The following RMST variants were observed in gnomAD, a reference collection of about 807,000 sequenced individuals.
RMST encodes rhabdomyosarcoma 2 associated transcript.
At chr12:97,515,838 A>G (rs1192704432) in intron 10 of RMST, among the ~76,000 whole-genome samples, 1 of 152,110 alleles carries the variant, frequency 6.6e-6, no homozygotes, top group Non-Finnish European at 1.5e-5. Context: ...TGTATTTGGC[A>G]TGGTTATGAA....
chr12:97,523,203 T>G (rs1399317872), intron 10 of RMST, among the ~76,000 whole-genome samples: 1 of 152,238 alleles, frequency 6.6e-6, no homozygotes, highest in Non-Finnish European at 1.5e-5. Flanking sequence ...AGAGTGAATA[T>G]AAACTATGAC....
At chr12:97,496,730 A>C (rs1877464124) in intron 10 of RMST, among the ~76,000 whole-genome samples, 1 of 152,178 alleles carries the variant, frequency 6.6e-6, no homozygotes, top group Non-Finnish European at 1.5e-5. Flanking sequence ...AGAGTGAGGA[A>C]AAACATTAGC....
chr12:97,538,399 C>G (rs563139513), intron 11 of RMST, among the ~76,000 whole-genome samples: 5 of 151,258 alleles, frequency 3.3e-5, no homozygotes, highest in Admixed American at 2.6e-4. Context: ...TGAAAGAAAG[C>G]GTTAATCTTT....
chr12:97,563,737 T>C (rs1045014567), intron 13 of RMST: 2 of 463,370 alleles, frequency 4.3e-6, no homozygotes, highest in African/African-American at 2.0e-5. Flanking sequence ...TGTTCTTTAA[T>C]GTAGCGTGAA....
chr12:97,505,863 T>C (rs1194315141), intron 10 of RMST, among the ~76,000 whole-genome samples: 5 of 152,208 alleles, frequency 3.3e-5, no homozygotes, highest in Non-Finnish European at 7.3e-5. Context: ...CATTTTCAGA[T>C]GGATGGAAAG....
intron 5 of RMST, among the ~76,000 whole-genome samples, chr12:97,474,624 C>CAAAAAAAAAAAAAAA (rs34888626): frequency 1.8e-5 from 1 of 55,800 alleles, no homozygotes; most frequent in Non-Finnish European, 3.3e-5. Context: ...AAAAAGAAGC[C>CAAAAAAAAAAAAAAA]AAAAAAAAAA....
intron 11 of RMST, among the ~76,000 whole-genome samples, chr12:97,552,612 A>G (rs1382817224): frequency 6.6e-6 from 1 of 152,054 alleles, no homozygotes; most frequent in Non-Finnish European, 1.5e-5. Context: ...AGGAATTTGC[A>G]CTCCAGGTTT....
chr12:97,471,644 A>G (rs1165724251), intron 5 of RMST, among the ~76,000 whole-genome samples: 2 of 152,126 alleles, frequency 1.3e-5, no homozygotes, highest in Non-Finnish European at 2.9e-5. Flanking sequence ...TCATTTTGAC[A>G]CTAATTTCAG....
At chr12:97,472,288 G>A (rs1874016776) in intron 5 of RMST, among the ~76,000 whole-genome samples, 1 of 152,248 alleles carries the variant, frequency 6.6e-6, no homozygotes, top group Admixed American at 6.5e-5. Context: ...ACATACTTAC[G>A]TAATGGAAAC....
chr12:97,559,301 A>C (rs551417108), intron 11 of RMST, among the ~76,000 whole-genome samples: 6 of 152,338 alleles, frequency 3.9e-5, no homozygotes, highest in African/African-American at 1.4e-4. Context: ...CGCAGAGTTC[A>C]TCTTCAACAC....
chr12:97,519,821 G>A (rs1246187117), intron 10 of RMST, among the ~76,000 whole-genome samples: 1 of 152,116 alleles, frequency 6.6e-6, no homozygotes, highest in Non-Finnish European at 1.5e-5. Flanking sequence ...TAAGTATAAT[G>A]TGGCAATGTG....
At chr12:97,487,591 G>T (rs1208638561) in intron 5 of RMST, among the ~76,000 whole-genome samples, 2 of 152,140 alleles carry the variant, frequency 1.3e-5, no homozygotes, top group East Asian at 1.9e-4. Flanking sequence ...AGTAACAGCT[G>T]CAGCTAATAA....
chr12:97,545,292 A>C (rs1263828717), intron 11 of RMST, among the ~76,000 whole-genome samples: 1 of 152,032 alleles, frequency 6.6e-6, no homozygotes, highest in Non-Finnish European at 1.5e-5. Flanking sequence ...ATGCACCTTT[A>C]CATATGTTTT....
chr12:97,527,061 G>A lies in RMST; in HGVS notation n.1341-3594G>A, dbSNP rs1391726307. Reference sequence around the variant, plus strand: ...TCTGACTCTTGTGACTCACGACAGAGAAGGGAGTTTCAGGTATTGATTCTA... The same window carrying A: ...TCTGACTCTTGTGACTCACGACAGAAAAGGGAGTTTCAGGTATTGATTCTA... On this transcript the variant is annotated intron_variant and non_coding_transcript_variant, in intron 10 of 13. Transcript: ENST00000640149. 3.9e-5 allele frequency among the ~76,000 whole-genome samples: 6 copies of A among 152,288 alleles called. No individual in the cohort carries two copies. In the South Asian group the frequency reaches 1.0e-3, roughly 26 times the overall value.
At chr12:97,520,697 T>C (rs1342253426) in intron 10 of RMST, among the ~76,000 whole-genome samples, 3 of 152,214 alleles carry the variant, frequency 2.0e-5, no homozygotes, top group Non-Finnish European at 4.4e-5. Context: ...CTTGAGAGTA[T>C]TTAATTAGGT....
intron 5 of RMST, among the ~76,000 whole-genome samples, chr12:97,479,423 G>A (rs1874959792): frequency 6.6e-6 from 1 of 152,108 alleles, no homozygotes; most frequent in Non-Finnish European, 1.5e-5. Context: ...AAAGTACTGA[G>A]ATTATAGGCG....
chr12:97,464,998 A>G (rs1873008696), intron 4 of RMST: 1 of 152,206 alleles, frequency 6.6e-6, no homozygotes, highest in South Asian at 2.1e-4. Flanking sequence ...GGAGATTGGC[A>G]TTCATTTTCT....
At chr12:97,512,091 G>C (rs866602567) in intron 10 of RMST, among the ~76,000 whole-genome samples, 3 of 152,102 alleles carry the variant, frequency 2.0e-5, no homozygotes, top group African/African-American at 7.2e-5. Flanking sequence ...TCTGGCGTTC[G>C]GATGTGTTCA....
intron 5 of RMST, among the ~76,000 whole-genome samples, chr12:97,479,280 C>T (rs1874938320): frequency 6.6e-6 from 1 of 151,702 alleles, no homozygotes; most frequent in African/African-American, 2.4e-5. Flanking sequence ...GCTAGGACTA[C>T]AGGTGCACAC....
Sources: allele counts gnomAD v4.1 joint callset (sites outside exome capture counted in the v4.1 genomes callset), GRCh38; gene constraint gnomAD v4.1.1; transcripts MANE v1.5; gene names NCBI Gene and HGNC (gene_info 2026-07-23, HGNC 2026-07-21).